HPSE2: variants seen among roughly 807,000 people sequenced by gnomAD.
HPSE2 encodes the protein heparanase 2 (inactive), also known as inactive heparanase-2.
In HPSE2, 38 loss-of-function variants were observed where a neutral mutation model predicts 60.5. That is an observed-to-expected ratio of 0.63 (90% CI 0.48 to 0.82). HPSE2 has a LOEUF of 0.82. Ranked by LOEUF, HPSE2 falls within the 40% of genes least tolerant of loss-of-function variation. HPSE2 has a pLI of 0.00. For missense variants in HPSE2, 713 were observed against 740.4 expected (o/e 0.96, Z 0.43); for synonymous variants, 295 against 293.2 (o/e 1.01, Z -0.06).
intron 3 of HPSE2, among the ~76,000 whole-genome samples, chr10:98,755,132 T>A (rs1949849445): frequency 6.6e-6 from 1 of 151,964 alleles, no homozygotes; most frequent in African/African-American, 2.4e-5. Flanking sequence ...AGGAGACCCA[T>A]CTCACATGCA....
At chr10:98,808,824 G>T (rs2134560778) in intron 3 of HPSE2, among the ~76,000 whole-genome samples, 1 of 152,206 alleles carries the variant, frequency 6.6e-6, no homozygotes, top group East Asian at 1.9e-4. Context: ...TAAAGTTCCA[G>T]TCTTGATAGT....
chr10:99,117,223 C>T (rs569535098), intron 3 of HPSE2, among the ~76,000 whole-genome samples: 2 of 149,248 alleles, frequency 1.3e-5, no homozygotes, highest in Non-Finnish European at 3.0e-5. Context: ...TTAAATTAAT[C>T]CTAAATAAGT....
chr10:98,650,989 C>A (rs1946898405), intron 6 of HPSE2, among the ~76,000 whole-genome samples: 1 of 152,200 alleles, frequency 6.6e-6, no homozygotes, highest in Non-Finnish European at 1.5e-5. Context: ...GACAACCCAA[C>A]ACACACATCA....
At chr10:98,657,066 T>C (rs1025966292) in intron 6 of HPSE2, among the ~76,000 whole-genome samples, 42 of 151,880 alleles carry the variant, frequency 2.8e-4, no homozygotes, top group African/African-American at 9.9e-4. Flanking sequence ...CCTGGCCTGA[T>C]GGGCATTTTT....
chr10:98,563,417 G>T (rs1180826154), intron 9 of HPSE2, among the ~76,000 whole-genome samples: 3 of 152,054 alleles, frequency 2.0e-5, no homozygotes, highest in Non-Finnish European at 4.4e-5. Flanking sequence ...GGGAGGGTTG[G>T]GGGCGTACCG....
At chr10:98,608,839 C>CG (rs1945667938) in intron 9 of HPSE2, among the ~76,000 whole-genome samples, 1 of 152,068 alleles carries the variant, frequency 6.6e-6, no homozygotes. Context: ...AAGAGAAAGG[C>CG]GGCTTCACCA....
chr10:99,094,462 A>G (rs1843629149), intron 3 of HPSE2, among the ~76,000 whole-genome samples: 2 of 142,998 alleles, frequency 1.4e-5, no homozygotes, highest in Admixed American at 1.4e-4. Context: ...TGAACTGAGA[A>G]GTCATGATGT....
the HPSE2 span, among the ~76,000 whole-genome samples, chr10:99,303,561 T>A: frequency 2.6e-5 from 4 of 152,096 alleles, no homozygotes; most frequent in Admixed American, 1.3e-4. Flanking sequence ...CCCTATCAGG[T>A]GTTATTGAGT....
chr10:98,473,925 C>T (rs950741030), intron 11 of HPSE2, among the ~76,000 whole-genome samples: 2 of 152,056 alleles, frequency 1.3e-5, no homozygotes, highest in Non-Finnish European at 2.9e-5. Context: ...CCTCTTGACC[C>T]GTATGAGTTC....
At chr10:98,524,685 A>G (rs1942907121) in intron 9 of HPSE2, among the ~76,000 whole-genome samples, 1 of 152,226 alleles carries the variant, frequency 6.6e-6, no homozygotes, top group African/African-American at 2.4e-5. Context: ...ACACATATTA[A>G]GTGAGATAAG....
intron 3 of HPSE2, among the ~76,000 whole-genome samples, chr10:98,929,044 GA>G (rs1245909930): frequency 7.2e-6 from 1 of 139,506 alleles, no homozygotes; most frequent in African/African-American, 3.0e-5. Flanking sequence ...AAAATAAAAG[GA>G]AAAAAACAAA....
At chr10:99,107,689 C>T (rs1197985584) in intron 3 of HPSE2, among the ~76,000 whole-genome samples, 2 of 151,680 alleles carry the variant, frequency 1.3e-5, no homozygotes, top group African/African-American at 4.8e-5. Context: ...ATTTAATTTT[C>T]AGTTAATAAA....
chr10:98,588,606 A>G (rs1033211456), intron 9 of HPSE2, among the ~76,000 whole-genome samples: 3 of 152,158 alleles, frequency 2.0e-5, no homozygotes, highest in African/African-American at 7.2e-5. Context: ...TGGTGACAGT[A>G]CAAGGAAGTC....
intron 3 of HPSE2, among the ~76,000 whole-genome samples, chr10:98,805,049 G>T (rs185495954): frequency 6.6e-6 from 1 of 152,074 alleles, no homozygotes; most frequent in African/African-American, 2.4e-5. Flanking sequence ...GACAAACATC[G>T]CATGTTCTTA....
chr10:99,260,407 A>G, the HPSE2 span, among the ~76,000 whole-genome samples: 1 of 152,092 alleles, frequency 6.6e-6, no homozygotes, highest in Non-Finnish European at 1.5e-5. Flanking sequence ...TCATGAGGAG[A>G]TCCACCTACA....
intron 3 of HPSE2, among the ~76,000 whole-genome samples, chr10:98,923,328 T>A (rs946220220): frequency 6.6e-6 from 1 of 152,196 alleles, no homozygotes; most frequent in Non-Finnish European, 1.5e-5. Context: ...TCTTTCTTTA[T>A]CCTTGGCCAC....
the HPSE2 span, among the ~76,000 whole-genome samples, chr10:99,246,285 T>C: frequency 1.3e-5 from 2 of 152,182 alleles, no homozygotes; most frequent in Non-Finnish European, 2.9e-5. Flanking sequence ...GACCGGGTAT[T>C]GTGTCCTCCT....
chr10:99,235,114 A>ACACACG, intron 1 of HPSE2, among the ~76,000 whole-genome samples: 1 of 151,266 alleles, frequency 6.6e-6, no homozygotes, highest in South Asian at 2.1e-4. Context: ...ACACACACAC[A>ACACACG]CACACACACA....
the HPSE2 span, among the ~76,000 whole-genome samples, chr10:99,302,204 G>A: frequency 6.6e-6 from 1 of 151,942 alleles, no homozygotes; most frequent in East Asian, 1.9e-4. Flanking sequence ...TATTAATCGG[G>A]GCCCTCCAAT....
Sources: allele counts gnomAD v4.1 joint callset (sites outside exome capture counted in the v4.1 genomes callset), GRCh38; gene constraint gnomAD v4.1.1; transcripts MANE v1.5; gene names NCBI Gene and HGNC (gene_info 2026-07-23, HGNC 2026-07-21).